Variants in GNG7 observed in about 807,000 individuals in gnomAD.
GNG7 encodes the protein G protein subunit gamma 7, also known as guanine nucleotide-binding protein G(I)/G(S)/G(O) subunit gamma-7.
A neutral mutation model predicts 4.0 loss-of-function variants in GNG7; 1 was observed. The observed-to-expected ratio is 0.25, with a 90% CI of 0.09 to 1.18. The LOEUF (loss-of-function observed/expected upper bound fraction) is 1.18, where lower values mean the gene tolerates loss of function less well. GNG7 is among the 50% of genes most tolerant of loss of function. The probability of loss-of-function intolerance (pLI) is 0.50; values close to 1 mark genes in which losing one functional copy is unlikely to be tolerated. For missense variants in GNG7, 86 were observed against 91.9 expected (o/e 0.94, Z 0.26); for synonymous variants, 34 against 36.9 (o/e 0.92, Z 0.29).
At chr19:2,604,448 G>A (rs1009856478) in intron 2 of GNG7, among the ~76,000 whole-genome samples, 3 of 137,300 alleles carry the variant, frequency 2.2e-5, no homozygotes, top group Non-Finnish European at 3.1e-5. Context: ...TCCAGCCTGG[G>A]CAACGGAGCA....
chr19:2,567,059 C>T (rs12976675), intron 2 of GNG7, among the ~76,000 whole-genome samples: 125,532 of 150,526 alleles, frequency 0.83, 52,590 homozygotes, highest in African/African-American at 0.9. Context: ...GAGCCGAGAT[C>T]GCGCCACTGC....
At chr19:2,551,686 T>TAC (rs1568240232) in intron 3 of GNG7, among the ~76,000 whole-genome samples, 7 of 94,788 alleles carry the variant, frequency 7.4e-5, no homozygotes, top group African/African-American at 2.5e-4. Context: ...TATATATATA[T>TAC]ACACACACAT....
intron 1 of GNG7, among the ~76,000 whole-genome samples, chr19:2,665,648 G>C (rs1244381639): frequency 1.3e-5 from 2 of 152,150 alleles, no homozygotes; most frequent in Admixed American, 1.3e-4. Context: ...CTCGCTGTCT[G>C]GCTGGGTGAC....
At chr19:2,577,991 C>T (rs1377637264) in intron 2 of GNG7, among the ~76,000 whole-genome samples, 1 of 151,994 alleles carries the variant, frequency 6.6e-6, no homozygotes, top group Non-Finnish European at 1.5e-5. Context: ...GTGTGCACCA[C>T]CACGCCCGGC....
In GNG7 at chr19:2,609,351, T is replaced by C. The variant is rs1981491601; in HGVS notation, c.-78+36873A>G. On this transcript the variant is annotated intron_variant, in intron 2 of 4. Transcript: ENST00000382159. The surrounding 1 kb of genome is among the most constrained non-coding windows in gnomAD (Gnocchi z 4.4). ...ATTTTTGTTTTACACTAAAGTGTTA[T>C]TTCATCTTGGTCGCTGAGGTTTTTT... 6.6e-6 allele frequency among the ~76,000 whole-genome samples: 1 copy of C among 152,150 alleles called. No individual in the cohort carries two copies. The highest frequency in any genetic ancestry group is 1.5e-5 in the Non-Finnish European group (1 of 68,034).
At chr19:2,545,259 G>A (rs1181416902) in intron 3 of GNG7, among the ~76,000 whole-genome samples, 3 of 152,136 alleles carry the variant, frequency 2.0e-5, no homozygotes, top group African/African-American at 7.2e-5. Flanking sequence ...ATACTGCTCA[G>A]CACCCTGCAG....
intron 2 of GNG7, among the ~76,000 whole-genome samples, chr19:2,560,973 AT>A (rs1190627305): frequency 2.2e-5 from 3 of 139,242 alleles, no homozygotes; most frequent in Non-Finnish European, 3.2e-5. Flanking sequence ...AAAAAAAAAA[AT>A]TATTTGGGAA....
At chr19:2,669,120 C>T (rs548576939) in intron 1 of GNG7, among the ~76,000 whole-genome samples, 4 of 152,194 alleles carry the variant, frequency 2.6e-5, no homozygotes, top group South Asian at 2.1e-4. Flanking sequence ...AGGGGGTGGT[C>T]GTGTGTGTTG....
At chr19:2,552,455 G>A (rs934983289) in intron 3 of GNG7, among the ~76,000 whole-genome samples, 19 of 152,072 alleles carry the variant, frequency 1.2e-4, no homozygotes, top group Middle Eastern at 3.2e-3. Flanking sequence ...TGCGATCTCG[G>A]CTCACTACAA....
chr19:2,556,502 G>A (rs1328027442), intron 2 of GNG7, among the ~76,000 whole-genome samples: 2 of 152,190 alleles, frequency 1.3e-5, no homozygotes, highest in East Asian at 3.9e-4. Flanking sequence ...AAACCAATGG[G>A]TTTTTTTCCA....
Position 2,613,463 on chromosome 19 carries a change from C to T in GNG7, c.-78+32761G>A, listed in dbSNP as rs144601391. The stretch of plus-strand genomic sequence containing the variant: ...AGTAGATACAAGAATAAACTCCCGA[C>T]GGGGCAGATGGCATAAACCAGGGGG... On this transcript the variant is annotated intron_variant, in intron 2 of 4. Transcript: ENST00000382159. Among the ~76,000 whole-genome samples the T allele has an allele frequency of 4.0e-3, 605 of 151,516 alleles. 3 individuals carry two copies. Among genetic ancestry groups the T allele is most frequent in the Non-Finnish European group, 4.9e-3 (332 of 67,904 alleles).
chr19:2,546,171 A>C lies in GNG7; in HGVS notation c.-38+8978T>G, dbSNP rs993068533. Reference sequence around the variant, plus strand: ...CGCAGAGCCCGGGGAGCCCGACTGAAATGGAAACTTCAATACAAGAGACAG... The same window carrying C: ...CGCAGAGCCCGGGGAGCCCGACTGACATGGAAACTTCAATACAAGAGACAG... On this transcript the variant is annotated intron_variant, in intron 3 of 4. Coordinates refer to ENST00000382159, the MANE Select transcript of GNG7 (RefSeq NM_052847.3). The surrounding 1 kb of genome is among the most constrained non-coding windows in gnomAD (Gnocchi z 6.3). 2.0e-5 allele frequency among the ~76,000 whole-genome samples: 3 copies of C among 152,156 alleles called. No homozygotes were observed. Among genetic ancestry groups the C allele is most frequent in the Admixed American group, 1.3e-4 (2 of 15,282 alleles).
intron 1 of GNG7, among the ~76,000 whole-genome samples, chr19:2,648,401 C>T (rs573386642): frequency 6.6e-6 from 1 of 152,170 alleles, no homozygotes; most frequent in East Asian, 1.9e-4. Flanking sequence ...GTCTCAAAAA[C>T]AGACCAACCC....
chr19:2,595,728 C>A (rs1233698832), intron 2 of GNG7, among the ~76,000 whole-genome samples: 2 of 145,700 alleles, frequency 1.4e-5, no homozygotes, highest in African/African-American at 5.1e-5. Context: ...GAGTGAGACT[C>A]TGTCTCAAAA....
At position 2,515,798 on chromosome 19, in the gene GNG7, G is replaced by A. The variant is rs749120563; in HGVS notation, c.82-651C>T. ...GACAGGAAGGGGATGCGTGGGTGCC[G>A]GTGCTGGGGAGTGATGGCTGATGGG... On this transcript the variant is annotated intron_variant, in intron 4 of 4. Transcript: ENST00000382159. Among the ~76,000 whole-genome samples, 14 of 152,018 alleles carry A rather than the reference G, an allele frequency of 9.2e-5. No homozygotes were observed. In the East Asian group the frequency reaches 9.6e-4, roughly 10 times the overall value.
chr19:2,552,084 C>T (rs1979351144), intron 3 of GNG7, among the ~76,000 whole-genome samples: 1 of 152,144 alleles, frequency 6.6e-6, no homozygotes, highest in South Asian at 2.1e-4. Flanking sequence ...GAAGCGTGAA[C>T]CCAATTGTGA....
intron 1 of GNG7, among the ~76,000 whole-genome samples, chr19:2,657,467 G>A (rs1312243743): frequency 7.9e-5 from 11 of 138,930 alleles, no homozygotes; most frequent in East Asian, 4.2e-4. Flanking sequence ...ACTCAAAGTC[G>A]TCTGCCAGTC....
At position 2,651,223 on chromosome 19, in the gene GNG7, A is replaced by ACTTC. The variant is rs1225749956; in HGVS notation, c.-134-4947_-134-4944dup. Among the ~76,000 whole-genome samples, 25 of 135,286 alleles carry ACTTC rather than the reference A, an allele frequency of 1.8e-4. 1 individual carries two copies. The highest frequency in any genetic ancestry group is 2.9e-4 in the Non-Finnish European group (18 of 62,756). The allele number at this position is 135,286 out of a possible 152,430, so 88.8% of individuals were successfully genotyped here. A position where few individuals can be genotyped will look rare whatever the true frequency, so the allele number is the denominator to read the frequency against. ...AGGCACTTCTCCAGATCTCTGTCCG[A>ACTTC]CTTCCTTCCTTCCTTCCTTCCTTTC... is the stretch of plus-strand genomic sequence containing the variant. On this transcript the variant is annotated intron_variant, in intron 1 of 4. Transcript: ENST00000382159.
chr19:2,680,946 ATTGT>A lies in GNG7; in HGVS notation c.-135+21696_-135+21699del, dbSNP rs376385093. Among the ~76,000 whole-genome samples, 347 of 151,608 alleles carry A rather than the reference ATTGT, an allele frequency of 2.3e-3. 2 individuals are homozygous for A. The highest frequency in any genetic ancestry group is 8.0e-3 in the African/African-American group (331 of 41,268). Reference sequence around the variant, plus strand: ...TCCTACCTCCCCGTGAGCCCTTGTGATTGTTTGTTGTTCTGGTTTTTTAATTCTA... The same window carrying A: ...TCCTACCTCCCCGTGAGCCCTTGTGATTGTTGTTCTGGTTTTTTAATTCTA... On this transcript the variant is annotated intron_variant, in intron 1 of 4. Transcript: ENST00000382159.
Sources: gnomAD v4.1 joint callset for allele counts (sites outside exome capture counted in the v4.1 genomes callset) on GRCh38, gnomAD v4.1.1 for gene constraint, Gnocchi (gnomAD v3.1) non-coding constraint, MANE v1.5 for transcripts, NCBI Gene and HGNC (gene_info 2026-07-23, HGNC 2026-07-21) for gene names.